The following AKAP13 variants were observed in gnomAD, a reference collection of about 807,000 sequenced individuals.
AKAP13 encodes A-kinase anchoring protein 13.
Under a neutral mutation model 264.5 loss-of-function variants are expected in AKAP13, and 80 were observed. The observed-to-expected ratio is 0.30, with a 90% CI of 0.25 to 0.36. The LOEUF is 0.36. Ranked by LOEUF, AKAP13 falls within the 10% of genes least tolerant of loss-of-function variation. The pLI is 1.00. For synonymous variants in AKAP13, 1,380 were observed against 1,250.2 expected, an observed-to-expected ratio of 1.10 and a Z score of -2.19; for missense variants, 3,712 against 3,435.2, an observed-to-expected ratio of 1.08 and a Z score of -2.01.
chr15:85,590,502 A>G (rs1238597206), intron 8 of AKAP13, among the ~76,000 whole-genome samples: 1 of 152,214 alleles, frequency 6.6e-6, no homozygotes, highest in South Asian at 2.1e-4. Flanking sequence ...TTAAAGGTCC[A>G]GTGCTGAAAA....
chr15:85,695,034 C>T (rs1389255427), intron 17 of AKAP13, among the ~76,000 whole-genome samples: 1 of 151,790 alleles, frequency 6.6e-6, no homozygotes, highest in African/African-American at 2.4e-5. Context: ...ATCAAGTGAT[C>T]TTCTGGCTCA....
chr15:85,524,883 G>A (rs1396944104), intron 3 of AKAP13, among the ~76,000 whole-genome samples: 1 of 151,128 alleles, frequency 6.6e-6, no homozygotes, highest in Non-Finnish European at 1.5e-5. Context: ...CCCTGTGTGT[G>A]TGTGTGTGTG....
intron 10 of AKAP13, among the ~76,000 whole-genome samples, chr15:85,648,786 C>T (rs2082675993): frequency 6.6e-6 from 1 of 152,108 alleles, no homozygotes; most frequent in Admixed American, 6.6e-5. Flanking sequence ...CTGCAGTGAG[C>T]CGTGATGGCA....
chr15:85,650,709 T>C (rs1032038569), intron 10 of AKAP13, among the ~76,000 whole-genome samples: 1 of 121,666 alleles, frequency 8.2e-6, no homozygotes, highest in Non-Finnish European at 1.6e-5. Context: ...TGAGCTGAGA[T>C]TGTGCCACCA....
intron 2 of AKAP13, among the ~76,000 whole-genome samples, chr15:85,503,262 A>G (rs2076085892): frequency 2.0e-5 from 3 of 152,210 alleles, no homozygotes; most frequent in African/African-American, 4.8e-5. Context: ...AGAGTTTACA[A>G]TCTAGGAGTT....
Position 85,742,600 on chromosome 15 carries a change from A to G in AKAP13, c.8059-892A>G, listed in dbSNP as rs570083531. 1.5e-3 allele frequency among the ~76,000 whole-genome samples: 221 copies of G among 150,828 alleles called. 1 individual carries two copies. The highest frequency in any genetic ancestry group is 5.2e-3 in the African/African-American group (213 of 40,820). On this transcript the variant is annotated intron_variant, in intron 35 of 36. Transcript: ENST00000394518. ...TTTGCCTCTCTACTGCTGATGAAAA[A>G]CCTCTCTTTCTCTATAGCTGCTGCT...
At chr15:85,662,677 A>G (rs2083413032) in intron 12 of AKAP13, among the ~76,000 whole-genome samples, 1 of 152,242 alleles carries the variant, frequency 6.6e-6, no homozygotes, top group Non-Finnish European at 1.5e-5. Context: ...AAATGGCCAT[A>G]GATTTGATGT....
At chr15:85,662,836 G>A (rs2083421626) in intron 12 of AKAP13, among the ~76,000 whole-genome samples, 2 of 152,176 alleles carry the variant, frequency 1.3e-5, no homozygotes, top group Admixed American at 1.3e-4. Context: ...ACCATTCTGT[G>A]TAGATTCCAA....
chr15:85,476,934 A>G (rs2075182445), intron 1 of AKAP13, among the ~76,000 whole-genome samples: 1 of 152,178 alleles, frequency 6.6e-6, no homozygotes, highest in Non-Finnish European at 1.5e-5. Flanking sequence ...TGCAGCATTT[A>G]GGAATATGGG....
intron 13 of AKAP13, 71 bp downstream of exon 13, chr15:85,664,826 T>TA: frequency 6.9e-7 from 1 of 1,440,552 alleles, no homozygotes; most frequent in Non-Finnish European, 9.5e-7. Flanking sequence ...GCAAGGCTTC[T>TA]GGTAGTATAA....
Position 85,580,576 on chromosome 15 carries a change from T to A in AKAP13, c.2508T>A (p.Asp836Glu). 1 of 1,614,208 alleles carries A rather than the reference T, an allele frequency of 6.2e-7. No homozygotes were observed. Among genetic ancestry groups the A allele is most frequent in the South Asian group, 1.1e-5 (1 of 91,090 alleles). The change falls in exon 7 of 37, where the codon GAT becomes GAA. Residue 836 changes from aspartate to glutamate, a missense_variant. By Grantham distance (45) the Asp-to-Glu change is conservative. Transcript: ENST00000394518. The part of the protein sequence containing the change: ...DGPDGNSNEP[D>E]TRPLEDRAVG... ...CAGATGGAAATTCGAATGAGCCTGATACGCGGCCACTAGAAGACAGGGCAG... is the reference window on the plus strand; with the variant it reads ...CAGATGGAAATTCGAATGAGCCTGAAACGCGGCCACTAGAAGACAGGGCAG...
At position 85,665,608 on chromosome 15, in the gene AKAP13, C is replaced by T. The variant is rs571494076; in HGVS notation, c.4992+853C>T. 3.3e-4 allele frequency among the ~76,000 whole-genome samples: 50 copies of T among 152,126 alleles called. 1 individual carries two copies. In the East Asian group the frequency reaches 7.9e-3, roughly 24 times the overall value. On this transcript the variant is annotated intron_variant, in intron 13 of 36. Coordinates refer to ENST00000394518, the MANE Select transcript of AKAP13 (RefSeq NM_007200.5). Reference sequence around the variant, plus strand: ...GTTTGTTACATAGGTATACATGTGCCGTGTTGGTTTGCTGCACCCATTAAC... The same window carrying T: ...GTTTGTTACATAGGTATACATGTGCTGTGTTGGTTTGCTGCACCCATTAAC...
At chr15:85,474,780 G>A (rs2075093738) in intron 1 of AKAP13, among the ~76,000 whole-genome samples, 1 of 152,138 alleles carries the variant, frequency 6.6e-6, no homozygotes, top group African/African-American at 2.4e-5. Flanking sequence ...AGATGTTAAA[G>A]GCTTAGTATT....
In AKAP13 at chr15:85,742,610, C is replaced by T. The variant is rs147260664; in HGVS notation, c.8059-882C>T. Among the ~76,000 whole-genome samples the T allele has an allele frequency of 3.6e-3, 541 of 152,360 alleles. 1 individual carries two copies. The highest frequency in any genetic ancestry group is 6.3e-3 in the Non-Finnish European group (430 of 68,034). ...TACTGCTGATGAAAAACCTCTCTTT[C>T]TCTATAGCTGCTGCTTATATTGGAA... On this transcript the variant is annotated intron_variant, in intron 35 of 36. Coordinates refer to ENST00000394518, the MANE Select transcript of AKAP13 (RefSeq NM_007200.5).
intron 1 of AKAP13, among the ~76,000 whole-genome samples, chr15:85,433,530 A>G (rs1030811379): frequency 2.0e-5 from 3 of 152,176 alleles, no homozygotes; most frequent in Non-Finnish European, 4.4e-5. Context: ...ATGCCTAGTC[A>G]GTCCACAAAC....
intron 8 of AKAP13, among the ~76,000 whole-genome samples, chr15:85,596,884 G>T (rs1202398527): frequency 6.6e-6 from 1 of 152,078 alleles, no homozygotes; most frequent in African/African-American, 2.4e-5. Context: ...AAGTACCTTG[G>T]GAGTGGCACA....
Position 85,717,403 on chromosome 15 carries a change from G to GT in AKAP13, c.5848+2dup, listed in dbSNP as rs2087010390. 6.3e-7 allele frequency: 1 copy of GT among 1,599,468 alleles called. No individual in the cohort carries two copies. Among genetic ancestry groups the GT allele is most frequent in the Admixed American group, 1.7e-5 (1 of 59,354 alleles). On this transcript the variant is annotated splice_donor_variant, in intron 21 of 36. Transcript: ENST00000394518. LOFTEE classifies it high-confidence loss of function. The stretch of plus-strand genomic sequence containing the variant: ...TCAACAGAATCACTTACTGATGAGG[G>GT]TAAGAGGAAGTTATGGCCTTTATTT...
intron 3 of AKAP13, among the ~76,000 whole-genome samples, chr15:85,523,585 A>T (rs2076910425): frequency 6.6e-6 from 1 of 151,980 alleles, no homozygotes; most frequent in African/African-American, 2.4e-5. Context: ...TTACTTATTT[A>T]TCTTATTTAT....
At chr15:85,452,685 C>T (rs2074134566) in intron 1 of AKAP13, among the ~76,000 whole-genome samples, 1 of 152,138 alleles carries the variant, frequency 6.6e-6, no homozygotes, top group Non-Finnish European at 1.5e-5. Flanking sequence ...GCAGGTGGCT[C>T]TTAGGCTTAT....
Sources: gnomAD v4.1 joint callset for allele counts (sites outside exome capture counted in the v4.1 genomes callset) on GRCh38, gnomAD v4.1.1 for gene constraint, MANE v1.5 for transcripts, NCBI Gene and HGNC (gene_info 2026-07-23, HGNC 2026-07-21) for gene names.